PPP1R21: variants seen among roughly 807,000 people sequenced by gnomAD.
The protein encoded by PPP1R21 is protein phosphatase 1 regulatory subunit 21.
PPP1R21 carries 85 observed loss-of-function variants against 112.8 expected under a neutral mutation model. The observed-to-expected ratio is 0.75, with a 90% CI of 0.63 to 0.90. The LOEUF is 0.90. Among genes scored for constraint, PPP1R21 ranks in the 40% least tolerant of loss-of-function variants. The probability of loss-of-function intolerance (pLI) is 0.00; values close to 1 mark genes in which losing one functional copy is unlikely to be tolerated. For missense variants in PPP1R21, 1,199 were observed against 901.5 expected, an observed-to-expected ratio of 1.33 and a Z score of -4.23; for synonymous variants, 381 against 322.3, an observed-to-expected ratio of 1.18 and a Z score of -1.95.
At chr2:48,488,708 TG>T (rs898866275) in intron 14 of PPP1R21, among the ~76,000 whole-genome samples, 1 of 152,236 alleles carries the variant, frequency 6.6e-6, no homozygotes, top group African/African-American at 2.4e-5. Flanking sequence ...ATCTTCACTC[TG>T]GAATTTTAAT....
intron 2 of PPP1R21, among the ~76,000 whole-genome samples, chr2:48,452,602 C>A (rs1667528020): frequency 6.6e-6 from 1 of 150,982 alleles, no homozygotes; most frequent in African/African-American, 2.4e-5. Context: ...AATTATAGTA[C>A]AACAAGTGAC....
At chr2:48,484,275 G>A (rs1330047380) in intron 13 of PPP1R21, among the ~76,000 whole-genome samples, 1 of 152,034 alleles carries the variant, frequency 6.6e-6, no homozygotes, top group Non-Finnish European at 1.5e-5. Flanking sequence ...TGATTTCTTG[G>A]CTCCTTCAGC....
chr2:48,451,081 G>C lies in PPP1R21; in HGVS notation c.126+5G>C, dbSNP rs374280582. On this transcript the variant is annotated splice_donor_5th_base_variant and intron_variant, in intron 2 of 21. Coordinates refer to ENST00000294952, the MANE Select transcript of PPP1R21 (RefSeq NM_001135629.3). ...GCAAATTCTGCAGCTTTAAAGGTGG[G>C]CAACAGGATATTTGTGTTGTGAGGG... 6.2e-7 allele frequency: 1 copy of C among 1,610,960 alleles called. No individual in the cohort carries two copies.
At chr2:48,447,413 A>C (rs185187903) in intron 1 of PPP1R21, among the ~76,000 whole-genome samples, 1 of 152,222 alleles carries the variant, frequency 6.6e-6, no homozygotes, top group Non-Finnish European at 1.5e-5. Context: ...TGAATGGAAC[A>C]GAAGAGCTTG....
At position 48,514,876 on chromosome 2, in the gene PPP1R21, G is replaced by A. The variant is rs984369751; in HGVS notation, c.*132G>A. 4 of 814,072 alleles carry A rather than the reference G, an allele frequency of 4.9e-6. No individual in the cohort carries two copies. Among genetic ancestry groups the A allele is most frequent in the South Asian group, 4.8e-5 (3 of 62,336 alleles). 50.4% of individuals were successfully genotyped at this position (814,072 alleles called of 1,614,324 possible). A position where few individuals can be genotyped will look rare whatever the true frequency, so the allele number is the denominator to read the frequency against. ...ATTGTTGGACCTAGTAAACTAGTCA[G>A]TGTTGGAAACGGCCTTGAAATATTT... On this transcript the variant is annotated 3_prime_UTR_variant, in exon 22 of 22. Transcript: ENST00000294952.
At chr2:48,445,028 C>T (rs771855548) in intron 1 of PPP1R21, among the ~76,000 whole-genome samples, 1 of 151,818 alleles carries the variant, frequency 6.6e-6, no homozygotes, top group Non-Finnish European at 1.5e-5. Flanking sequence ...AGTTTTGATC[C>T]AGCATGTTTG....
chr2:48,447,978 TAAAAAA>T (rs200318371), intron 1 of PPP1R21, among the ~76,000 whole-genome samples: 3 of 146,114 alleles, frequency 2.1e-5, no homozygotes, highest in Admixed American at 2.0e-4. Flanking sequence ...AATAATAAAA[TAAAAAA>T]AAAAGATCAG....
intron 17 of PPP1R21, among the ~76,000 whole-genome samples, chr2:48,502,273 T>G (rs1318508261): frequency 6.6e-6 from 1 of 152,152 alleles, no homozygotes; most frequent in African/African-American, 2.4e-5. Context: ...AAGGACCTGA[T>G]ACCTTTTCTC....
chr2:48,466,171 A>T (rs562310134), intron 9 of PPP1R21, among the ~76,000 whole-genome samples: 1 of 151,728 alleles, frequency 6.6e-6, no homozygotes, highest in African/African-American at 2.4e-5. Context: ...AGAAGATGAG[A>T]TTTGCATGGG....
chr2:48,454,416 A>G, intron 2 of PPP1R21, 179 bp from the exon 3 acceptor site: 1 of 679,008 alleles, frequency 1.5e-6, no homozygotes, highest in Non-Finnish European at 2.5e-6. Flanking sequence ...GGTTTAGCCA[A>G]AAGATTATCT....
chr2:48,495,168 G>T (rs1357208584), intron 15 of PPP1R21, among the ~76,000 whole-genome samples: 1 of 152,114 alleles, frequency 6.6e-6, no homozygotes, highest in Non-Finnish European at 1.5e-5. Flanking sequence ...GTAAGTCAGT[G>T]ACCATTTATA....
chr2:48,485,232 G>A (rs1199835586), intron 13 of PPP1R21, among the ~76,000 whole-genome samples: 1 of 151,584 alleles, frequency 6.6e-6, no homozygotes, highest in African/African-American at 2.4e-5. Context: ...CTCAATGGAA[G>A]CCCAAACCCC....
Position 48,471,204 on chromosome 2 carries a change from G to T in PPP1R21, c.999+16G>T. 6.2e-7 allele frequency: 1 copy of T among 1,606,994 alleles called. No individual in the cohort carries two copies. Among genetic ancestry groups the T allele is most frequent in the Non-Finnish European group, 8.5e-7 (1 of 1,173,974 alleles). ...GACTGTCTTGGTAATTTTCTTCCTTGTTTTACTTCTGGAAACTGGGAGCTC... is the reference window on the plus strand; with the variant it reads ...GACTGTCTTGGTAATTTTCTTCCTTTTTTTACTTCTGGAAACTGGGAGCTC... On this transcript the variant is annotated intron_variant, in intron 10 of 21. Transcript: ENST00000294952.
chr2:48,479,679 T>C (rs530088529), intron 12 of PPP1R21: 1 of 611,988 alleles, frequency 1.6e-6, no homozygotes, highest in South Asian at 1.8e-5. Context: ...GACTTAATCC[T>C]GCTTAACAAC....
chr2:48,466,333 T>G (rs1668201537), intron 9 of PPP1R21, among the ~76,000 whole-genome samples: 1 of 152,056 alleles, frequency 6.6e-6, no homozygotes, highest in South Asian at 2.1e-4. Flanking sequence ...CACCTCAGCT[T>G]CCCAACTAGC....
chr2:48,462,676 C>A (rs906593094), intron 7 of PPP1R21, among the ~76,000 whole-genome samples: 2 of 152,092 alleles, frequency 1.3e-5, no homozygotes, highest in Non-Finnish European at 2.9e-5. Context: ...TGGGACTGGA[C>A]CCTAGTGTTC....
intron 16 of PPP1R21, among the ~76,000 whole-genome samples, chr2:48,496,496 C>T (rs1669842508): frequency 6.9e-6 from 1 of 144,768 alleles, no homozygotes; most frequent in Admixed American, 7.1e-5. Flanking sequence ...GAGATGGAGT[C>T]TCACTGTGTC....
At chr2:48,469,260 ATTGT>A (rs1392213776) in intron 9 of PPP1R21, among the ~76,000 whole-genome samples, 2 of 56,192 alleles carry the variant, frequency 3.6e-5, no homozygotes, top group Non-Finnish European at 3.3e-5. Flanking sequence ...ATATATTTGA[ATTGT>A]GTGTGTGTGT....
chr2:48,511,367 T>TA lies in PPP1R21; in HGVS notation c.2213dup (p.Tyr738Ter). Residue 738 changes from tyrosine to a stop codon, truncating the protein, a stop_gained and frameshift_variant, in exon 21 of 22, where the codon TAC becomes TAAC. Coordinates refer to ENST00000294952, the MANE Select transcript of PPP1R21 (RefSeq NM_001135629.3). LOFTEE classifies it high-confidence loss of function. ...TGAGCTGACAACTACCAAGAGGAGT[T>TA]ACGAGGATCAGTTAAGTATGATGAG... ...QDELTTTKRSYEDQLSMMSDH... is the reference protein window; with the variant it reads ...QDELTTTKRS 1 of 1,613,948 alleles carries TA rather than the reference T, an allele frequency of 6.2e-7. No homozygotes were observed. The highest frequency in any genetic ancestry group is 8.5e-7 in the Non-Finnish European group (1 of 1,179,990).
Sources: gnomAD v4.1 joint callset for allele counts (sites outside exome capture counted in the v4.1 genomes callset) on GRCh38, gnomAD v4.1.1 for gene constraint, MANE v1.5 for transcripts, NCBI Gene and HGNC (gene_info 2026-07-23, HGNC 2026-07-21) for gene names.